The following DNAI4 variants were observed in gnomAD, a reference collection of about 807,000 sequenced individuals.
DNAI4 encodes dynein axonemal intermediate chain 4.
In DNAI4, 85 loss-of-function variants were observed where a neutral mutation model predicts 105.8. The ratio of observed to expected loss-of-function variants is 0.80; its 90% CI spans 0.67 to 0.96. The LOEUF (loss-of-function observed/expected upper bound fraction) is 0.96. Ranked by LOEUF, DNAI4 falls within the 40% of genes least tolerant of loss-of-function variation. The probability of loss-of-function intolerance (pLI) is 0.00; values close to 1 mark genes in which losing one functional copy is unlikely to be tolerated. For synonymous variants in DNAI4, 352 were observed against 331.5 expected (o/e 1.06, Z -0.67); for missense variants, 1,014 against 1,005.6 (o/e 1.01, Z -0.11).
intron 2 of DNAI4, among the ~76,000 whole-genome samples, chr1:66,903,432 T>G (rs1234815476): frequency 1.3e-5 from 2 of 152,200 alleles, no homozygotes; most frequent in African/African-American, 4.8e-5. Context: ...TGTGTAATTT[T>G]TACAGTTTTC....
rs747121043 is a variant in DNAI4, at chr1:66,924,779, G to A, written c.53C>T (p.Ala18Val). ...GASARAANGG[A>V]WGYRDFRGGQ... The stretch of plus-strand genomic sequence containing the variant: ...GCCTCTGAAGTCCCTGTACCCCCAA[G>A]CTCCTCCGTTAGCGGCTCGGGCCGA... Residue 18 changes from alanine (A) to valine (V), a missense_variant, in exon 1 of 17, where the codon GCT becomes GTT. Physicochemically the swap from Ala to Val is moderately conservative, Grantham distance 64. Coordinates refer to ENST00000371026, the MANE Select transcript of DNAI4 (RefSeq NM_024763.5). The A allele has an allele frequency of 1.9e-6, 3 of 1,613,950 alleles. No individual in the cohort carries two copies. Among genetic ancestry groups the A allele is most frequent in the Admixed American group, 3.3e-5 (2 of 60,034 alleles).
intron 7 of DNAI4, among the ~76,000 whole-genome samples, chr1:66,853,395 G>A (rs1217006715): frequency 1.3e-5 from 2 of 152,184 alleles, no homozygotes; most frequent in Non-Finnish European, 2.9e-5. Flanking sequence ...AGGGTATATT[G>A]AGTTTTAGGC....
chr1:66,843,167 T>A (rs1646188909), intron 8 of DNAI4, among the ~76,000 whole-genome samples: 5 of 117,876 alleles, frequency 4.2e-5, no homozygotes, highest in Admixed American at 2.5e-4. Flanking sequence ...GCCACTGTAC[T>A]CCAGCCTGGG....
At chr1:66,817,649 T>A (rs1645545700) in intron 16 of DNAI4, among the ~76,000 whole-genome samples, 1 of 152,072 alleles carries the variant, frequency 6.6e-6, no homozygotes, top group Non-Finnish European at 1.5e-5. Flanking sequence ...AAAGTTGTAA[T>A]CCTACTGCAT....
At chr1:66,861,828 C>CT (rs1646632270) in intron 7 of DNAI4, among the ~76,000 whole-genome samples, 1 of 152,102 alleles carries the variant, frequency 6.6e-6, no homozygotes, top group Admixed American at 6.6e-5. Flanking sequence ...AGTATACATC[C>CT]TTTTTCTCAT....
At chr1:66,895,240 A>G (rs1170770493) in intron 2 of DNAI4, among the ~76,000 whole-genome samples, 2 of 152,238 alleles carry the variant, frequency 1.3e-5, no homozygotes, top group Non-Finnish European at 2.9e-5. Context: ...GTGCTCTGGG[A>G]GGTCAAGGCA....
intron 8 of DNAI4, among the ~76,000 whole-genome samples, chr1:66,845,839 C>A (rs1195334080): frequency 8.7e-6 from 1 of 115,290 alleles, no homozygotes; most frequent in East Asian, 2.9e-4. Context: ...CAGAGCAATG[C>A]GTGTGTGTGT....
At chr1:66,877,804 A>G (rs1255529139) in intron 4 of DNAI4, among the ~76,000 whole-genome samples, 1 of 152,154 alleles carries the variant, frequency 6.6e-6, no homozygotes, top group Non-Finnish European at 1.5e-5. Context: ...GAAAAGCAGC[A>G]GTCATGTATT....
At chr1:66,873,217 C>A (rs1347743372) in intron 5 of DNAI4, among the ~76,000 whole-genome samples, 1 of 148,010 alleles carries the variant, frequency 6.8e-6, no homozygotes, top group African/African-American at 2.6e-5. Flanking sequence ...CTTCTCCCTC[C>A]TCTCCCTCCT....
At chr1:66,874,279 A>G (rs1646915461) in intron 5 of DNAI4, among the ~76,000 whole-genome samples, 1 of 152,110 alleles carries the variant, frequency 6.6e-6, no homozygotes, top group South Asian at 2.1e-4. Flanking sequence ...CTCTATTTAT[A>G]TTCATTAATA....
chr1:66,895,814 C>T (rs552265514), intron 2 of DNAI4, among the ~76,000 whole-genome samples: 13 of 152,194 alleles, frequency 8.5e-5, no homozygotes, highest in African/African-American at 2.9e-4. Flanking sequence ...TGCTTTTTTA[C>T]CACATTAAGC....
chr1:66,900,204 C>T (rs1201456912), intron 2 of DNAI4, among the ~76,000 whole-genome samples: 5 of 152,030 alleles, frequency 3.3e-5, no homozygotes, highest in Non-Finnish European at 7.4e-5. Context: ...CAAGTTCAAG[C>T]GATTCTTCTG....
Position 66,835,670 on chromosome 1 carries a change from A to C in DNAI4, c.1689T>G (p.Ile563Met). The C allele has an allele frequency of 6.2e-7, 1 of 1,614,158 alleles. No homozygotes were observed. Among genetic ancestry groups the C allele is most frequent in the Non-Finnish European group, 8.5e-7 (1 of 1,180,014 alleles). Residue 563 changes from isoleucine to methionine, a missense_variant, in exon 11 of 17, where the codon ATT (isoleucine) becomes ATG (methionine). Transcript: ENST00000371026. ...AVGYHNGTIA[I>M]YNVRSNSNVP... ...CATTACTGTTGCTCCGTACATTGTA[A>C]ATTGCAATTGTGCCATTGTGATAGC...
intron 8 of DNAI4, among the ~76,000 whole-genome samples, chr1:66,842,316 C>T (rs1479338028): frequency 6.6e-6 from 1 of 152,162 alleles, no homozygotes; most frequent in African/African-American, 2.4e-5. Context: ...ACACAGTTTT[C>T]AGCTCATTTA....
intron 4 of DNAI4, among the ~76,000 whole-genome samples, chr1:66,881,867 T>C (rs1420945726): frequency 6.6e-6 from 1 of 152,216 alleles, no homozygotes; most frequent in Non-Finnish European, 1.5e-5. Context: ...CACAATTCCA[T>C]GTCATGAGAG....
chr1:66,847,824 C>T lies in DNAI4; in HGVS notation c.1097-146G>A, dbSNP rs555146709. On this transcript the variant is annotated intron_variant, in intron 7 of 16. Coordinates refer to ENST00000371026, the MANE Select transcript of DNAI4 (RefSeq NM_024763.5). ...TAATAGACATTTATTGAATATCTTA[C>T]GTACCAAGCACATGAAAGATGCACA... 4.8e-4 allele frequency: 310 copies of T among 642,440 alleles called. 1 individual carries two copies. Among genetic ancestry groups the T allele is most frequent in the East Asian group, 7.0e-4 (24 of 34,220 alleles). The allele number at this position is 642,440 out of a possible 1,614,324, so 39.8% of individuals were successfully genotyped here.
chr1:66,891,383 C>A (rs1647631483), intron 3 of DNAI4, 117 bp from the exon 4 acceptor site: 1 of 617,526 alleles, frequency 1.6e-6, no homozygotes, highest in Non-Finnish European at 2.8e-6. Flanking sequence ...ATCATATAAG[C>A]AAAATAGATA....
intron 2 of DNAI4, among the ~76,000 whole-genome samples, chr1:66,899,289 T>C (rs1648604456): frequency 6.6e-6 from 1 of 152,192 alleles, no homozygotes; most frequent in Non-Finnish European, 1.5e-5. Flanking sequence ...CTAGCCATCT[T>C]AGTGGGTATA....
At chr1:66,847,054 A>G (rs1251753437) in intron 8 of DNAI4, among the ~76,000 whole-genome samples, 1 of 152,182 alleles carries the variant, frequency 6.6e-6, no homozygotes, top group Non-Finnish European at 1.5e-5. Flanking sequence ...TGACTAAGTA[A>G]TTGAATGCAG....
Sources: gnomAD v4.1 joint callset for allele counts (sites outside exome capture counted in the v4.1 genomes callset) on GRCh38, gnomAD v4.1.1 for gene constraint, MANE v1.5 for transcripts, NCBI Gene and HGNC (gene_info 2026-07-23, HGNC 2026-07-21) for gene names.